SLCO3A1: variants seen among roughly 807,000 people sequenced by gnomAD.
SLCO3A1 encodes the protein solute carrier organic anion transporter family member 3A1, also known as PGE1 transporter.
Under a neutral mutation model 63.1 loss-of-function variants are expected in SLCO3A1, and 27 were observed. The ratio of observed to expected loss-of-function variants is 0.43; its 90% CI spans 0.32 to 0.59. The LOEUF is 0.59. SLCO3A1 is among the 20% of genes least tolerant of loss of function. The pLI is 0.09. For missense variants in SLCO3A1, 773 were observed against 945.8 expected, an observed-to-expected ratio of 0.82 and a Z score of 2.40; for synonymous variants, 473 against 409.9, an observed-to-expected ratio of 1.15 and a Z score of -1.86.
chr15:91,991,342 C>T (rs1201500267), intron 2 of SLCO3A1, among the ~76,000 whole-genome samples: 1 of 151,884 alleles, frequency 6.6e-6, no homozygotes, highest in Non-Finnish European at 1.5e-5. Context: ...GTGTGGGCAA[C>T]AGAACGAAAC....
rs1228074111 is a variant in SLCO3A1, at chr15:92,171,872, C to T, written c.*10C>T. 3.2e-6 allele frequency: 5 copies of T among 1,544,142 alleles called. No individual in the cohort carries two copies. The African/African-American group carries it at 5.5e-5, about 17-fold the overall frequency. On this transcript the variant is annotated 3_prime_UTR_variant, in exon 11 of 11. Transcript: ENST00000424469. ...CTTTGTGAGAAGCTGAGGGCCTGGC[C>T]CTCTTCCTCTTCCTGGAGAGAACAG...
intron 2 of SLCO3A1, among the ~76,000 whole-genome samples, chr15:92,034,109 T>C (rs111351200): frequency 2.4e-4 from 36 of 147,632 alleles, no homozygotes; most frequent in African/African-American, 8.0e-4. Flanking sequence ...TCCTGGGTGC[T>C]CTGTGGAGAG....
intron 2 of SLCO3A1, among the ~76,000 whole-genome samples, chr15:92,094,661 AG>A (rs2047516073): frequency 6.6e-6 from 1 of 152,228 alleles, no homozygotes; most frequent in South Asian, 2.1e-4. Context: ...CAAATTTCAA[AG>A]CAACCTACCT....
intron 2 of SLCO3A1, among the ~76,000 whole-genome samples, chr15:92,046,891 T>C (rs1166913841): frequency 6.9e-6 from 1 of 145,276 alleles, no homozygotes; most frequent in Non-Finnish European, 1.5e-5. Flanking sequence ...TGTGAATTTC[T>C]AATTTCTGAT....
At chr15:92,025,660 A>G (rs918493790) in intron 2 of SLCO3A1, among the ~76,000 whole-genome samples, 3 of 152,184 alleles carry the variant, frequency 2.0e-5, no homozygotes, top group African/African-American at 7.2e-5. Flanking sequence ...GCTATGATCA[A>G]TTCTTTTCCT....
intron 1 of SLCO3A1, among the ~76,000 whole-genome samples, chr15:91,905,030 A>G (rs934548670): frequency 6.6e-6 from 1 of 152,234 alleles, no homozygotes; most frequent in African/African-American, 2.4e-5. Flanking sequence ...GAAGGCCAAG[A>G]GAAAAAGAAA....
chr15:92,074,247 T>A (rs1307804240), intron 2 of SLCO3A1, among the ~76,000 whole-genome samples: 1 of 152,010 alleles, frequency 6.6e-6, no homozygotes, highest in Non-Finnish European at 1.5e-5. Flanking sequence ...TTCCTTATAA[T>A]TTTTTTTAAA....
At position 92,163,259 on chromosome 15, in the gene SLCO3A1, A is replaced by G. The variant is rs76600093; in HGVS notation, c.*124A>G. ...CACACACAGGCACAGATGCACACAC[A>G]CGCAGACAGACACACCGACTTTGTC... On this transcript the variant is annotated 3_prime_UTR_variant, in exon 10 of 10. Transcript: ENST00000318445. 42 of 1,371,064 alleles carry G rather than the reference A, an allele frequency of 3.1e-5. No individual in the cohort carries two copies. The highest frequency in any genetic ancestry group is 3.4e-5 in the Non-Finnish European group (36 of 1,068,316). The allele number at this position is 1,371,064 out of a possible 1,614,324, so 84.9% of individuals were successfully genotyped here.
intron 1 of SLCO3A1, among the ~76,000 whole-genome samples, chr15:91,904,657 G>A (rs1456770251): frequency 6.6e-6 from 1 of 152,164 alleles, no homozygotes; most frequent in South Asian, 2.1e-4. Flanking sequence ...GGTCGGGGAA[G>A]GTGAGTTCTT....
chr15:92,098,983 A>G (rs993082472), intron 3 of SLCO3A1, among the ~76,000 whole-genome samples: 3 of 152,214 alleles, frequency 2.0e-5, no homozygotes, highest in African/African-American at 7.2e-5. Context: ...TCTGACCTCA[A>G]AGCCCCACTC....
intron 9 of SLCO3A1, chr15:92,153,502 A>G (rs1373285921): frequency 6.6e-6 from 1 of 152,216 alleles, no homozygotes. Context: ...TGCAGGACCC[A>G]GTAAGATTAA....
chr15:91,931,861 TATTC>T (rs1253500564), intron 2 of SLCO3A1, among the ~76,000 whole-genome samples: 1 of 151,730 alleles, frequency 6.6e-6, no homozygotes, highest in Non-Finnish European at 1.5e-5. Context: ...CAGAGATTGC[TATTC>T]ATCACACAAA....
At chr15:92,078,775 G>A (rs1170843432) in intron 2 of SLCO3A1, among the ~76,000 whole-genome samples, 4 of 152,142 alleles carry the variant, frequency 2.6e-5, no homozygotes, top group Non-Finnish European at 4.4e-5. Flanking sequence ...TCTGCGCATA[G>A]GGTTGTGGCG....
At chr15:91,871,552 G>A (rs115473861) in intron 1 of SLCO3A1, among the ~76,000 whole-genome samples, 1 of 152,166 alleles carries the variant, frequency 6.6e-6, no homozygotes, top group Non-Finnish European at 1.5e-5. Flanking sequence ...CAGAAGAAGA[G>A]AATATAGGGA....
intron 2 of SLCO3A1, among the ~76,000 whole-genome samples, chr15:91,940,871 C>T (rs1899596426): frequency 6.6e-6 from 1 of 152,172 alleles, no homozygotes; most frequent in South Asian, 2.1e-4. Context: ...CCCCTCCTAA[C>T]CACCCCAGCA....
intron 1 of SLCO3A1, among the ~76,000 whole-genome samples, chr15:91,888,863 G>T (rs1232324771): frequency 6.6e-6 from 1 of 151,990 alleles, no homozygotes; most frequent in Non-Finnish European, 1.5e-5. Context: ...ACACCAATTA[G>T]CTGGGCAATG....
At chr15:92,082,780 G>A (rs1285172358) in intron 2 of SLCO3A1, among the ~76,000 whole-genome samples, 2 of 152,188 alleles carry the variant, frequency 1.3e-5, no homozygotes, top group Admixed American at 1.3e-4. Flanking sequence ...CAGCCTGGTA[G>A]GAATCAGCCT....
Position 92,034,482 on chromosome 15 carries a change from G to A in SLCO3A1, c.647-60399G>A, listed in dbSNP as rs187782386. On this transcript the variant is annotated intron_variant, in intron 2 of 9. Coordinates refer to ENST00000318445, the MANE Select transcript of SLCO3A1 (RefSeq NM_013272.4). ...GGGTAGAGATGGTACTTAACACTGC[G>A]AGGCTGGGCGAGATGGTTTGGGGCA... is the stretch of plus-strand genomic sequence containing the variant. Among the ~76,000 whole-genome samples, 36 of 151,704 alleles carry A rather than the reference G, an allele frequency of 2.4e-4. 1 individual carries two copies. In the East Asian group the frequency reaches 4.6e-3, roughly 20 times the overall value.
rs146565927 is a variant in SLCO3A1, at chr15:91,863,967, A to G, written c.180+9879A>G. Among the ~76,000 whole-genome samples the G allele has an allele frequency of 5.6e-3, 847 of 152,370 alleles. 6 individuals carry two copies. Among genetic ancestry groups the G allele is most frequent in the South Asian group, 0.024 (118 of 4,830 alleles). On this transcript the variant is annotated intron_variant, in intron 1 of 9. Transcript: ENST00000318445. This position sits in a 1 kb window ranked among gnomAD's most constrained non-coding sequence, Gnocchi z 4.3. ...TACCTTTGCCAAGCTGTATACATGC[A>G]TCAAGGAGATGCATATAAATAGATC... is the stretch of plus-strand genomic sequence containing the variant.
Sources: allele counts gnomAD v4.1 joint callset (sites outside exome capture counted in the v4.1 genomes callset), GRCh38; gene constraint gnomAD v4.1.1; non-coding constraint Gnocchi (gnomAD v3.1); transcripts MANE v1.5; gene names NCBI Gene and HGNC (gene_info 2026-07-23, HGNC 2026-07-21).